The following CCDC27 variants were observed in gnomAD, a reference collection of about 807,000 sequenced individuals.
CCDC27 encodes the protein coiled-coil domain containing 27.
In CCDC27, 80 loss-of-function variants were observed where a neutral mutation model predicts 80.3. The ratio of observed to expected loss-of-function variants is 1.00; its 90% CI spans 0.83 to 1.20. CCDC27 has a LOEUF of 1.20. CCDC27 is among the 50% of genes most tolerant of loss of function. The pLI, the probability that CCDC27 is intolerant of heterozygous loss-of-function variation, is 0.00. For synonymous variants in CCDC27, 342 were observed against 334.3 expected (o/e 1.02, Z -0.25); for missense variants, 815 against 809.4 (o/e 1.01, Z -0.08).
Position 3,767,393 on chromosome 1 carries a change from T to G in CCDC27, c.1691T>G (p.Ile564Ser). 6.2e-7 allele frequency: 1 copy of G among 1,613,654 alleles called. No homozygotes were observed. Among genetic ancestry groups the G allele is most frequent in the Non-Finnish European group, 8.5e-7 (1 of 1,180,032 alleles). Residue 564 changes from isoleucine (I) to serine (S), a missense_variant, in exon 10 of 12, where the codon ATT becomes AGT. Transcript: ENST00000294600. ...GATTTGCAGAGCAAGAAGGAGATGA[T>G]TCAGCAGGCAGAGCAGCACACCCGC... Reference protein sequence around the residue: ...QEDLQSKKEMIQQAEQHTRVA... With the variant: ...QEDLQSKKEMSQQAEQHTRVA...
At position 3,767,528 on chromosome 1, in the gene CCDC27, T is replaced by C. The variant is rs1570719923; in HGVS notation, c.1743+83T>C. On this transcript the variant is annotated intron_variant, in intron 10 of 11. Coordinates refer to ENST00000294600, the MANE Select transcript of CCDC27 (RefSeq NM_152492.3). ...GGCCTCTGCCCACCGCCCACCGAGG[T>C]AGAACCGGGGTCTGTGTACGCTGGG... 2.3e-6 allele frequency: 3 copies of C among 1,284,212 alleles called. No individual in the cohort carries two copies. The South Asian group carries it at 4.3e-5, about 18-fold the overall frequency. 79.6% of individuals were successfully genotyped at this position (1,284,212 alleles called of 1,614,324 possible). A position where few individuals can be genotyped will look rare whatever the true frequency, so the allele number is the denominator to read the frequency against.
chr1:3,765,051 AAC>A (rs1491101735), intron 8 of CCDC27, among the ~76,000 whole-genome samples: 3 of 149,984 alleles, frequency 2.0e-5, no homozygotes, highest in Admixed American at 6.7e-5. Flanking sequence ...AAAAAAAAAA[AAC>A]GATGAACAGG....
chr1:3,769,885 C>A lies in CCDC27; in HGVS notation c.1846C>A (p.Gln616Lys). The A allele has an allele frequency of 6.2e-7, 1 of 1,611,476 alleles. No individual in the cohort carries two copies. Among genetic ancestry groups the A allele is most frequent in the Non-Finnish European group, 8.5e-7 (1 of 1,177,622 alleles). Residue 616 changes from glutamine (Q) to lysine (K), a missense_variant and splice_region_variant, in exon 11 of 12, where the codon CAG becomes AAG. Transcript: ENST00000294600. The surrounding 1 kb of genome is among the most constrained non-coding windows in gnomAD (Gnocchi z 4.6). ...ISDNDILEALQRIISERSDYY... is the reference protein window; with the variant it reads ...ISDNDILEALKRIISERSDYY... ...TGACAATGACATCCTGGAAGCCCTG[C>A]AGGTATACCCCTAAGCTCAGCTGCC...
chr1:3,761,498 C>T lies in CCDC27; in HGVS notation c.861+68C>T, dbSNP rs1643085284. 3 of 1,554,866 alleles carry T rather than the reference C, an allele frequency of 1.9e-6. No individual in the cohort carries two copies. The highest frequency in any genetic ancestry group is 1.4e-5 in the African/African-American group (1 of 73,036). ...GTTGTTTTCAAAGCGTCCAAAGCTG[C>T]TAGTGACACACAGGCCCCTGGCAAA... On this transcript the variant is annotated intron_variant, in intron 5 of 11. Transcript: ENST00000294600. The surrounding 1 kb of genome is among the most constrained non-coding windows in gnomAD (Gnocchi z 5.0).
At chr1:3,770,424 C>T (rs1341755300) in intron 11 of CCDC27, among the ~76,000 whole-genome samples, 1 of 152,206 alleles carries the variant, frequency 6.6e-6, no homozygotes, top group Non-Finnish European at 1.5e-5. Context: ...AGGGGGTCAC[C>T]ACCCACCAGC....
chr1:3,765,862 CTT>C (rs1643214689), intron 8 of CCDC27, among the ~76,000 whole-genome samples: 1 of 138,378 alleles, frequency 7.2e-6, no homozygotes, highest in African/African-American at 2.9e-5. Flanking sequence ...CTTTTCTTTT[CTT>C]TTCTCCTTTT....
intron 8 of CCDC27, among the ~76,000 whole-genome samples, 184 bp downstream of exon 8, chr1:3,764,020 T>C (rs1479022779): frequency 6.6e-6 from 1 of 152,052 alleles, no homozygotes; most frequent in African/African-American, 2.4e-5. Context: ...TTCCCCAAGG[T>C]GTGTGGGAGG....
At position 3,771,598 on chromosome 1, in the gene CCDC27, T is replaced by C. The variant is rs1643366518; in HGVS notation, c.*75T>C. On this transcript the variant is annotated 3_prime_UTR_variant, in exon 12 of 12. Transcript: ENST00000294600. ...GCTCCAGAACCACCCGCCCCCACCATGCGTCCTGCTCTCAGACTCAGAATT... is the reference window on the plus strand; with the variant it reads ...GCTCCAGAACCACCCGCCCCCACCACGCGTCCTGCTCTCAGACTCAGAATT... The C allele has an allele frequency of 4.6e-6, 7 of 1,511,848 alleles. No homozygotes were observed. The highest frequency in any genetic ancestry group is 1.2e-5 in the South Asian group (1 of 85,850). The allele number at this position is 1,511,848 out of a possible 1,614,324, so 93.7% of individuals were successfully genotyped here.
chr1:3,759,361 GT>G (rs1376424153), intron 4 of CCDC27, among the ~76,000 whole-genome samples: 1 of 152,212 alleles, frequency 6.6e-6, no homozygotes, highest in African/African-American at 2.4e-5. Flanking sequence ...AAGGCTGTAA[GT>G]GGTACAAGGA....
Position 3,769,991 on chromosome 1 carries a change from TCCTA to T in CCDC27, c.1848+108_1848+111del. ...CTAGATTCCAGGGACTCTGTTCTCA[TCCTA>T]CCTGTGTCACCTATTCACTTGGACC... On this transcript the variant is annotated intron_variant, in intron 11 of 11. Transcript: ENST00000294600. The surrounding 1 kb of genome is among the most constrained non-coding windows in gnomAD (Gnocchi z 4.6). 3 of 813,078 alleles carry T rather than the reference TCCTA, an allele frequency of 3.7e-6. No individual in the cohort carries two copies. The highest frequency in any genetic ancestry group is 6.4e-6 in the Non-Finnish European group (3 of 467,260). 50.4% of individuals were successfully genotyped at this position (813,078 alleles called of 1,614,324 possible).
At chr1:3,756,999 G>T in intron 4 of CCDC27, 109 bp downstream of exon 4, 1 of 1,320,602 alleles carries the variant, frequency 7.6e-7, no homozygotes, top group Non-Finnish European at 1.0e-6. Flanking sequence ...CTGGTTAGCT[G>T]CATCAAGCAG....
At chr1:3,754,336 G>A (rs750574705) in intron 2 of CCDC27, 95 bp downstream of exon 2, 84 of 1,413,686 alleles carry the variant, frequency 5.9e-5, no homozygotes, top group Non-Finnish European at 7.2e-5. Context: ...GCGAGCAGCC[G>A]CCAGAGTTGG....
chr1:3,766,837 C>CTTTT lies in CCDC27; in HGVS notation c.1530+244_1530+247dup, dbSNP rs34635257. Among the ~76,000 whole-genome samples the CTTTT allele has an allele frequency of 2.3e-4, 24 of 105,458 alleles. No individual in the cohort carries two copies. Among genetic ancestry groups the CTTTT allele is most frequent in the East Asian group, 9.9e-4 (3 of 3,030 alleles). 69.2% of individuals were successfully genotyped at this position (105,458 alleles called of 152,430 possible). On this transcript the variant is annotated intron_variant, in intron 9 of 11. Transcript: ENST00000294600. This position sits in a 1 kb window ranked among gnomAD's most constrained non-coding sequence, Gnocchi z 6.1. Reference sequence around the variant, plus strand: ...AGGGACCCAGCAAGCGTTCCCAGTCCTTTTTTTTTTTTTTTTTTTTTTGAG... The same window carrying CTTTT: ...AGGGACCCAGCAAGCGTTCCCAGTCCTTTTTTTTTTTTTTTTTTTTTTTTTTGAG...
chr1:3,753,675 G>A (rs1642878017), intron 1 of CCDC27, among the ~76,000 whole-genome samples: 2 of 152,208 alleles, frequency 1.3e-5, no homozygotes, highest in Admixed American at 1.3e-4. Context: ...GGCTCTTGCT[G>A]AGCATCCAGT....
rs766946830 is a variant in CCDC27, at chr1:3,769,879, G to A, written c.1840G>A (p.Ala614Thr). The A allele has an allele frequency of 1.9e-6, 3 of 1,613,330 alleles. No homozygotes were observed. The highest frequency in any genetic ancestry group is 1.7e-5 in the Admixed American group (1 of 60,014). The change falls in exon 11 of 12, where the codon GCC becomes ACC. Residue 614 changes from alanine (A) to threonine (T), a missense_variant. Transcript: ENST00000294600. This position sits in a 1 kb window ranked among gnomAD's most constrained non-coding sequence, Gnocchi z 4.6. Reference protein sequence around the residue: ...NEISDNDILEALQRIISERSD... With the variant: ...NEISDNDILETLQRIISERSD... The stretch of plus-strand genomic sequence containing the variant: ...GATCTCTGACAATGACATCCTGGAA[G>A]CCCTGCAGGTATACCCCTAAGCTCA...
chr1:3,761,445 G>A lies in CCDC27; in HGVS notation c.861+15G>A. On this transcript the variant is annotated intron_variant, in intron 5 of 11. Coordinates refer to ENST00000294600, the MANE Select transcript of CCDC27 (RefSeq NM_152492.3). The surrounding 1 kb of genome is among the most constrained non-coding windows in gnomAD (Gnocchi z 5.0). The stretch of plus-strand genomic sequence containing the variant: ...CAGGCAGGAGGGTGAGCCAGCCCCA[G>A]CGGGGCACAGCGCAGAGCTCTAAGA... The A allele has an allele frequency of 1.2e-6, 2 of 1,612,642 alleles. No homozygotes were observed. Among genetic ancestry groups the A allele is most frequent in the Non-Finnish European group, 1.7e-6 (2 of 1,179,662 alleles).
chr1:3,754,289 G>C, intron 2 of CCDC27, 48 bp downstream of exon 2: 1 of 1,527,114 alleles, frequency 6.5e-7, no homozygotes, highest in South Asian at 1.3e-5. Context: ...TGTCAGAGTC[G>C]AGGGGCCGGG....
At position 3,763,547 on chromosome 1, in the gene CCDC27, C is replaced by T. The variant is rs530287204; in HGVS notation, c.1321+73C>T. 1.5e-4 allele frequency: 235 copies of T among 1,546,982 alleles called. No homozygotes were observed. Among genetic ancestry groups the T allele is most frequent in the African/African-American group, 3.1e-4 (23 of 73,310 alleles). ...CGGCCCAGGAGCTGGGACGCCCAGA[C>T]GCTGCCTGCTCTGGTCAGTGAGCTG... is the stretch of plus-strand genomic sequence containing the variant. On this transcript the variant is annotated intron_variant, in intron 7 of 11. Coordinates refer to ENST00000294600, the MANE Select transcript of CCDC27 (RefSeq NM_152492.3). This position sits in a 1 kb window ranked among gnomAD's most constrained non-coding sequence, Gnocchi z 7.5.
At chr1:3,765,276 C>T (rs1254552287) in intron 8 of CCDC27, among the ~76,000 whole-genome samples, 2 of 152,160 alleles carry the variant, frequency 1.3e-5, no homozygotes, top group African/African-American at 2.4e-5. Flanking sequence ...GTTGTAAGAT[C>T]CTATCTTTGT....
Sources: allele counts gnomAD v4.1 joint callset (sites outside exome capture counted in the v4.1 genomes callset), GRCh38; gene constraint gnomAD v4.1.1; non-coding constraint Gnocchi (gnomAD v3.1); transcripts MANE v1.5; gene names NCBI Gene and HGNC (gene_info 2026-07-23, HGNC 2026-07-21).